The following GGA3 variants were observed in gnomAD, a reference collection of about 807,000 sequenced individuals.
GGA3 encodes ADP-ribosylation factor-binding protein GGA3.
GGA3 carries 57 observed loss-of-function variants against 77.5 expected under a neutral mutation model. The observed-to-expected ratio is 0.74, with a 90% CI of 0.59 to 0.92. GGA3 has a LOEUF of 0.92. Ranked by LOEUF, GGA3 falls within the 40% of genes least tolerant of loss-of-function variation. The pLI, the probability that GGA3 is intolerant of heterozygous loss-of-function variation, is 0.00. For missense variants in GGA3, 970 were observed against 914.9 expected (o/e 1.06, Z -0.78); for synonymous variants, 416 against 383.7 (o/e 1.08, Z -0.98).
In GGA3 at chr17:75,243,521, A is replaced by G; in HGVS notation, c.350T>C (p.Leu117Pro). ...SEKVKTKVIELLYSWTMALPE... is the reference protein window; with the variant it reads ...SEKVKTKVIEPLYSWTMALPE... ...CAGGGCCATGGTCCAGCTGTACAGC[A>G]GCTCAATAACCTTGGTCTTCACTTT... Residue 117 changes from leucine to proline, a missense_variant, in exon 5 of 17, where the codon CTG becomes CCG. Coordinates refer to ENST00000537686, the MANE Select transcript of GGA3 (RefSeq NM_138619.4). The G allele has an allele frequency of 6.2e-7, 1 of 1,614,108 alleles. No individual in the cohort carries two copies. Among genetic ancestry groups the G allele is most frequent in the Non-Finnish European group, 8.5e-7 (1 of 1,179,950 alleles).
At chr17:75,258,503 C>T (rs1401589217) in intron 1 of GGA3, among the ~76,000 whole-genome samples, 1 of 152,118 alleles carries the variant, frequency 6.6e-6, no homozygotes, top group East Asian at 1.9e-4. Context: ...AACCCCATCT[C>T]TACTAAAAAT....
chr17:75,239,630 C>T (rs2076458963), intron 13 of GGA3, 59 bp from the exon 14 acceptor site: 1 of 1,470,346 alleles, frequency 6.8e-7, no homozygotes, highest in South Asian at 1.2e-5. Flanking sequence ...GCAGGACTCT[C>T]ACCCAAGGCC....
rs1246080348 is a variant in GGA3 at position 75,237,937 on chromosome 17, C to CCCCCACCCCCCACCCCCCACT, written c.*341_*342insAGTGGGGGGTGGGGGGTGGGG. 3.9e-6 allele frequency: 3 copies of CCCCCACCCCCCACCCCCCACT among 778,286 alleles called. No homozygotes were observed. Among genetic ancestry groups the CCCCCACCCCCCACCCCCCACT allele is most frequent in the Non-Finnish European group, 4.9e-6 (3 of 612,086 alleles). The allele number at this position is 778,286 out of a possible 1,614,324, so 48.2% of individuals were successfully genotyped here. A position where few individuals can be genotyped will look rare whatever the true frequency, so the allele number is the denominator to read the frequency against. On this transcript the variant is annotated 3_prime_UTR_variant, in exon 17 of 17. Coordinates refer to ENST00000537686, the MANE Select transcript of GGA3 (RefSeq NM_138619.4). ...GAGACTCCCACCCCCCACCCCCCAC[C>CCCCCACCCCCCACCCCCCACT]CCAGTGGCTTCAGTGAATGCCAGTA...
At chr17:75,247,538 AG>A (rs2076801908) in intron 1 of GGA3, among the ~76,000 whole-genome samples, 1 of 152,240 alleles carries the variant, frequency 6.6e-6, no homozygotes, top group Non-Finnish European at 1.5e-5. Flanking sequence ...CTGGGATTAC[AG>A]GCGTGAGTCA....
chr17:75,260,046 G>C (rs975110153), intron 1 of GGA3, among the ~76,000 whole-genome samples: 7 of 152,124 alleles, frequency 4.6e-5, no homozygotes, highest in Non-Finnish European at 1.0e-4. Flanking sequence ...CTACTCAGGA[G>C]GCTGAGGTAG....
Position 75,240,957 on chromosome 17 carries a change from G to A in GGA3, c.1047C>T (p.Pro349=). 6.2e-7 allele frequency: 1 copy of A among 1,614,162 alleles called. No homozygotes were observed. Among genetic ancestry groups the A allele is most frequent in the Non-Finnish European group, 8.5e-7 (1 of 1,180,004 alleles). The stretch of plus-strand genomic sequence containing the variant: ...GAGGGAGGATTGGGATGCCTGAGGA[G>A]GGTGGAGTAGGTGCTGGGGCCAACA... The part of the protein sequence containing the change: ...SSVLAPAPTP[P]SSGIPILPPP... Residue 349 remains proline, a synonymous_variant, in exon 11 of 17, where the codon CCC becomes CCT. Transcript: ENST00000537686.
chr17:75,247,260 C>T (rs1384808293), intron 1 of GGA3, among the ~76,000 whole-genome samples: 1 of 145,904 alleles, frequency 6.9e-6, no homozygotes, highest in Non-Finnish European at 1.5e-5. Flanking sequence ...TTTGTAACCA[C>T]AAATTTTTTT....
intron 1 of GGA3, among the ~76,000 whole-genome samples, chr17:75,258,088 T>C (rs2077218452): frequency 6.6e-6 from 1 of 152,212 alleles, no homozygotes; most frequent in Non-Finnish European, 1.5e-5. Context: ...ATGTACTTTG[T>C]GAGATCCATC....
At position 75,240,635 on chromosome 17, in the gene GGA3, C is replaced by T. The variant is rs1033536662; in HGVS notation, c.1192+177G>A. 124 of 739,472 alleles carry T rather than the reference C, an allele frequency of 1.7e-4. 1 individual carries two copies. Among genetic ancestry groups the T allele is most frequent in the South Asian group, 1.1e-3 (57 of 53,626 alleles). 45.8% of individuals were successfully genotyped at this position (739,472 alleles called of 1,614,324 possible). On this transcript the variant is annotated intron_variant, in intron 11 of 16. Coordinates refer to ENST00000537686, the MANE Select transcript of GGA3 (RefSeq NM_138619.4). ...GTGCAGGGCAGGAGGCAGAGTCCAC[C>T]GGGAGGATGGCCCTGGGGCCCTCAG... is the stretch of plus-strand genomic sequence containing the variant.
chr17:75,251,589 C>T (rs1259731017), intron 1 of GGA3, among the ~76,000 whole-genome samples: 1 of 151,318 alleles, frequency 6.6e-6, no homozygotes, highest in African/African-American at 2.4e-5. Context: ...GCCTGTAATC[C>T]CAGCTACTTG....
At chr17:75,243,697 C>G in intron 4 of GGA3, 127 bp from the exon 5 acceptor site, 1 of 876,954 alleles carries the variant, frequency 1.1e-6, no homozygotes, top group Non-Finnish European at 1.7e-6. Context: ...TGCAGGTGTC[C>G]AAGTGTGTGT....
At chr17:75,238,793 C>T (rs2076413495) in intron 15 of GGA3, 31 bp from the exon 16 acceptor site, 2 of 1,587,544 alleles carry the variant, frequency 1.3e-6, no homozygotes, top group African/African-American at 1.3e-5. Context: ...TTGAAGAGAA[C>T]TGGTAGGTGC....
chr17:75,237,367 G>A lies in GGA3; in HGVS notation c.*912C>T. Reference sequence around the variant, plus strand: ...TCCAGCCACAGGTGCCACACCACATGCCATCTGGTGAGAGGAGAGGGAGGC... The same window carrying A: ...TCCAGCCACAGGTGCCACACCACATACCATCTGGTGAGAGGAGAGGGAGGC... On this transcript the variant is annotated 3_prime_UTR_variant, in exon 17 of 17. Transcript: ENST00000537686. The A allele has an allele frequency of 2.1e-6, 2 of 932,648 alleles. No homozygotes were observed. The highest frequency in any genetic ancestry group is 3.3e-6 in the Non-Finnish European group (2 of 597,908). 57.8% of individuals were successfully genotyped at this position (932,648 alleles called of 1,614,324 possible). A position where few individuals can be genotyped will look rare whatever the true frequency, so the allele number is the denominator to read the frequency against.
At chr17:75,261,938 C>G (rs200842828), upstream of GGA3, 39 of 1,608,432 alleles carry the variant, frequency 2.4e-5, no homozygotes, top group Admixed American at 6.3e-4. Context: ...CGAGGATGGT[C>G]GGGCCTGGCG....
At chr17:75,245,775 G>GC (rs536828903) in intron 3 of GGA3, among the ~76,000 whole-genome samples, 10 of 151,860 alleles carry the variant, frequency 6.6e-5, no homozygotes, top group South Asian at 4.1e-4. Context: ...CCCGGCCTAG[G>GC]CCCCACAGGG....
At position 75,243,246 on chromosome 17, in the gene GGA3, C is replaced by A. The variant is rs141150396; in HGVS notation, c.425-80G>T. 1.0e-5 allele frequency: 12 copies of A among 1,203,634 alleles called. No individual in the cohort carries two copies. The Admixed American group carries it at 2.4e-4, about 25-fold the overall frequency. 74.6% of individuals were successfully genotyped at this position (1,203,634 alleles called of 1,614,324 possible). A position where few individuals can be genotyped will look rare whatever the true frequency, so the allele number is the denominator to read the frequency against. On this transcript the variant is annotated intron_variant, in intron 5 of 16. Transcript: ENST00000537686. ...TCCTCATACACCAAGGGCCACGTCC[C>A]TGTGATCAAGACCTGCAAAGGGTAG...
At chr17:75,238,810 A>T in intron 15 of GGA3, 48 bp from the exon 16 acceptor site, 1 of 1,572,270 alleles carries the variant, frequency 6.4e-7, no homozygotes, top group Non-Finnish European at 8.7e-7. Context: ...GTGCCCCCAG[A>T]TGGAACCTGC....
Position 75,246,548 on chromosome 17 carries a change from G to A in GGA3, c.162C>T (p.Ile54=). 1.9e-6 allele frequency: 3 copies of A among 1,613,948 alleles called. No individual in the cohort carries two copies. Among genetic ancestry groups the A allele is most frequent in the Non-Finnish European group, 2.5e-6 (3 of 1,179,788 alleles). ...GCGCCTCCCATTCCTGTGGGGACTG[G>A]ATCTTGTGGGCCAGCAGTCGGACGG... is the stretch of plus-strand genomic sequence containing the variant. ...QIAVRLLAHK[I]QSPQEWEALQ... is the part of the protein sequence containing the mutation. The change falls in exon 3 of 17, where the codon ATC becomes ATT. Residue 54 remains isoleucine, a synonymous_variant. Coordinates refer to ENST00000537686, the MANE Select transcript of GGA3 (RefSeq NM_138619.4).
intron 1 of GGA3, among the ~76,000 whole-genome samples, chr17:75,254,237 G>A (rs1328880523): frequency 6.6e-6 from 1 of 151,624 alleles, no homozygotes; most frequent in Non-Finnish European, 1.5e-5. Flanking sequence ...GCTGCTCGTC[G>A]CCAGGCCATC....
Sources: allele counts gnomAD v4.1 joint callset (sites outside exome capture counted in the v4.1 genomes callset), GRCh38; gene constraint gnomAD v4.1.1; transcripts MANE v1.5; gene names NCBI Gene and HGNC (gene_info 2026-07-23, HGNC 2026-07-21).